ABCA8: variants seen among roughly 807,000 people sequenced by gnomAD.
The protein encoded by ABCA8 is ATP binding cassette subfamily A member 8.
In ABCA8, 177 loss-of-function variants were observed where a neutral mutation model predicts 192.3. That is an observed-to-expected ratio of 0.92 (90% CI 0.81 to 1.04). ABCA8 has a LOEUF of 1.04. Ranked by LOEUF, ABCA8 falls within the 50% of genes least tolerant of loss-of-function variation. The pLI, the probability that ABCA8 is intolerant of heterozygous loss-of-function variation, is 0.00. For missense variants in ABCA8, 1,915 were observed against 1,904.8 expected, an observed-to-expected ratio of 1.01 and a Z score of -0.10; for synonymous variants, 642 against 690.2, an observed-to-expected ratio of 0.93 and a Z score of 1.09.
intron 4 of ABCA8, among the ~76,000 whole-genome samples, chr17:68,938,214 G>C (rs2068123738): frequency 6.6e-6 from 1 of 152,102 alleles, no homozygotes; most frequent in Non-Finnish European, 1.5e-5. Flanking sequence ...GGAACTAATG[G>C]TGTGATGCTT....
chr17:68,894,624 G>C (rs1417971147), intron 22 of ABCA8, among the ~76,000 whole-genome samples: 1 of 152,124 alleles, frequency 6.6e-6, no homozygotes, highest in Non-Finnish European at 1.5e-5. Context: ...TAAAATCCTT[G>C]AGGGGAAACA....
intron 9 of ABCA8, 44 bp downstream of exon 9, chr17:68,929,005 A>T: frequency 7.3e-7 from 1 of 1,361,870 alleles, no homozygotes; most frequent in African/African-American, 1.5e-5. Flanking sequence ...AGAGGGACAG[A>T]TGTTTCAGAA....
chr17:68,919,752 C>T, intron 13 of ABCA8: 1 of 222,996 alleles, frequency 4.5e-6, no homozygotes, highest in Middle Eastern at 1.6e-3. Context: ...TGATGAAGAG[C>T]TTCCACCTAG....
chr17:68,886,962 G>A, intron 26 of ABCA8, 55 bp downstream of exon 26: 1 of 1,271,156 alleles, frequency 7.9e-7, no homozygotes, highest in Non-Finnish European at 1.1e-6. Context: ...TAAAGGATTA[G>A]CTCAGAATTG....
intron 3 of ABCA8, among the ~76,000 whole-genome samples, chr17:68,941,518 CT>C (rs2068230068): frequency 1.3e-5 from 2 of 152,046 alleles, no homozygotes; most frequent in Non-Finnish European, 2.9e-5. Flanking sequence ...AACTTTTCTA[CT>C]TTTTTGAAGA....
chr17:68,926,470 T>C (rs1163056216), intron 10 of ABCA8, among the ~76,000 whole-genome samples: 2 of 152,102 alleles, frequency 1.3e-5, no homozygotes, highest in Non-Finnish European at 2.9e-5. Context: ...TCAGTGAGAT[T>C]TTGCCATAAA....
At chr17:68,944,079 T>C (rs1567885803) in intron 2 of ABCA8, among the ~76,000 whole-genome samples, 1 of 151,542 alleles carries the variant, frequency 6.6e-6, no homozygotes, top group African/African-American at 2.4e-5. Context: ...CCTCATGTTC[T>C]CGCTCATAAG....
chr17:68,873,578 T>G (rs1260270270), intron 37 of ABCA8, among the ~76,000 whole-genome samples: 1 of 152,214 alleles, frequency 6.6e-6, no homozygotes, highest in Non-Finnish European at 1.5e-5. Flanking sequence ...TTTATTTTTG[T>G]TTTTATTGTC....
chr17:68,880,711 G>T (rs1296803373), intron 32 of ABCA8: 2 of 187,042 alleles, frequency 1.1e-5, no homozygotes, highest in African/African-American at 2.4e-5. Context: ...CAGCATGCCT[G>T]GCTGTGTGCA....
intron 33 of ABCA8, among the ~76,000 whole-genome samples, chr17:68,876,949 T>G (rs376442474): frequency 1.3e-5 from 2 of 152,194 alleles, no homozygotes; most frequent in African/African-American, 4.8e-5. Context: ...AGTCCAAATT[T>G]TAGTATTTTC....
chr17:68,875,668 G>A lies in ABCA8; in HGVS notation c.4436C>T (p.Ala1479Val). The A allele has an allele frequency of 6.2e-7, 1 of 1,614,174 alleles. No homozygotes were observed. Among genetic ancestry groups the A allele is most frequent in the Non-Finnish European group, 8.5e-7 (1 of 1,180,026 alleles). The part of the protein sequence containing the change: ...RGALLTTHYM[A>V]EAEAVCDRVA... ...TCGGTCACACACGGCCTCAGCCTCT[G>A]CCATGTAGTGGGTGGTTAGGAGGGC... is the stretch of plus-strand genomic sequence containing the variant. Residue 1479 changes from alanine to valine, a missense_variant, in exon 36 of 40, where the codon GCA becomes GTA. Transcript: ENST00000586539.
Position 68,917,378 on chromosome 17 carries a change from C to A in ABCA8, c.2121G>T (p.Gly707=), listed in dbSNP as rs760319665. The part of the protein sequence containing the change: ...GSSLFLKKKW[G]IGYHLSLQLN... ...GACCTTACCTTAAGTGATATCCAAT[C>A]CCCCATTTCTTCTTTAGAAACAAAG... The change falls in exon 17 of 40, where the codon GGG becomes GGT. Residue 707 remains glycine, a synonymous_variant. Coordinates refer to ENST00000586539, the MANE Select transcript of ABCA8 (RefSeq NM_001288985.2). The A allele has an allele frequency of 1.2e-6, 2 of 1,610,224 alleles. No individual in the cohort carries two copies. Among genetic ancestry groups the A allele is most frequent in the Non-Finnish European group, 1.7e-6 (2 of 1,177,500 alleles).
At chr17:68,935,122 T>C (rs1466839495) in intron 5 of ABCA8, among the ~76,000 whole-genome samples, 1 of 150,598 alleles carries the variant, frequency 6.6e-6, no homozygotes, top group Non-Finnish European at 1.5e-5. Flanking sequence ...TCTCACTCTG[T>C]CACTCAGGCT....
rs138100064 is a variant in ABCA8 at position 68,919,397 on chromosome 17, T to G, written c.1692A>C (p.Pro564=). ...ENLSKLTGVC[P]QSNVQFDFLT... Reference sequence around the variant, plus strand: ...GGAAGTCAAATTGCACATTGGATTGTGGACAAACTCCGGTCAGCTTGCTGA... The same window carrying G: ...GGAAGTCAAATTGCACATTGGATTGGGGACAAACTCCGGTCAGCTTGCTGA... Residue 564 remains proline, a synonymous_variant, in exon 14 of 40, where the codon CCA becomes CCC. Transcript: ENST00000586539. The G allele has an allele frequency of 5.0e-6, 8 of 1,613,996 alleles. No homozygotes were observed. The African/African-American group carries it at 9.3e-5, about 19-fold the overall frequency.
intron 13 of ABCA8, among the ~76,000 whole-genome samples, chr17:68,921,021 T>G (rs1005694805): frequency 1.7e-4 from 26 of 152,250 alleles, no homozygotes; most frequent in African/African-American, 6.0e-4. Flanking sequence ...TATGCAGCCA[T>G]AAAAAATGAT....
At chr17:68,908,226 G>C (rs1018708221) in intron 17 of ABCA8, among the ~76,000 whole-genome samples, 2 of 152,124 alleles carry the variant, frequency 1.3e-5, no homozygotes, top group African/African-American at 4.8e-5. Flanking sequence ...GCAAAGGTCA[G>C]GACTATGCAA....
chr17:68,900,479 T>C (rs988102122), intron 21 of ABCA8, among the ~76,000 whole-genome samples: 12 of 141,646 alleles, frequency 8.5e-5, no homozygotes, highest in African/African-American at 2.9e-4. Flanking sequence ...CTCACCCAGA[T>C]AGCTACACTA....
chr17:68,877,889 A>C, intron 32 of ABCA8: 33 of 446,868 alleles, frequency 7.4e-5, no homozygotes, highest in Non-Finnish European at 1.0e-4. Flanking sequence ...ATCCAATCTC[A>C]GCTGAAAAAT....
intron 30 of ABCA8, 151 bp from the exon 31 acceptor site, chr17:68,882,131 C>A (rs1301975488): frequency 2.9e-6 from 2 of 681,858 alleles, no homozygotes; most frequent in Non-Finnish European, 5.0e-6. Flanking sequence ...TTGGCCATGC[C>A]CTATCCTAAC....
Sources: gnomAD v4.1 joint callset for allele counts (sites outside exome capture counted in the v4.1 genomes callset) on GRCh38, gnomAD v4.1.1 for gene constraint, MANE v1.5 for transcripts, NCBI Gene and HGNC (gene_info 2026-07-23, HGNC 2026-07-21) for gene names.